Variants in MYO3B observed in about 807,000 individuals in gnomAD.
MYO3B encodes myosin-IIIb.
In MYO3B, 156 loss-of-function variants were observed where a neutral mutation model predicts 174.6. The ratio of observed to expected loss-of-function variants is 0.89; its 90% confidence interval spans 0.78 to 1.02. MYO3B has a LOEUF of 1.02. MYO3B is among the 50% of genes least tolerant of loss of function. The pLI, the probability that MYO3B is intolerant of heterozygous loss-of-function variation, is 0.00. For synonymous variants in MYO3B, 563 were observed against 569.1 expected (o/e 0.99, Z 0.15); for missense variants, 1,632 against 1,639.4 (o/e 1.00, Z 0.08).
chr2:170,449,777 C>CA (rs201702095), intron 23 of MYO3B, among the ~76,000 whole-genome samples: 7,027 of 131,454 alleles, frequency 0.053, 270 homozygotes, highest in East Asian at 0.23. Context: ...AACTCTGTCT[C>CA]AAAAAAAAAA....
intron 7 of MYO3B, among the ~76,000 whole-genome samples, chr2:170,325,170 A>G (rs771193053): frequency 1.3e-5 from 2 of 151,894 alleles, no homozygotes; most frequent in Non-Finnish European, 2.9e-5. Context: ...TTAGTATCTA[A>G]TCCGCTGTTA....
chr2:170,414,297 C>T (rs2094564619), intron 22 of MYO3B, among the ~76,000 whole-genome samples: 1 of 152,000 alleles, frequency 6.6e-6, no homozygotes, highest in Non-Finnish European at 1.5e-5. Flanking sequence ...AAGCAATTCT[C>T]CTGCCTCAGC....
chr2:170,499,770 G>A lies in MYO3B; in HGVS notation c.3251G>A (p.Arg1084Lys), dbSNP rs756328230. The change falls in exon 27 of 35, where the codon AGA becomes AAA. Residue 1084 changes from arginine (R) to lysine (K), a missense_variant. Coordinates refer to ENST00000408978, the MANE Select transcript of MYO3B (RefSeq NM_138995.5). ...WLGARRYKRV[R>K]EKREKGAIAI... ...GGAGCCAGGAGATACAAAAGGGTCAGAGAGAAGAGAGAGAAGGGAGCCATT... is the reference window on the plus strand; with the variant it reads ...GGAGCCAGGAGATACAAAAGGGTCAAAGAGAAGAGAGAGAAGGGAGCCATT... 6.2e-7 allele frequency: 1 copy of A among 1,613,614 alleles called. No homozygotes were observed. The highest frequency in any genetic ancestry group is 8.5e-7 in the Non-Finnish European group (1 of 1,179,656).
intron 7 of MYO3B, among the ~76,000 whole-genome samples, chr2:170,261,104 A>G (rs923254301): frequency 1.3e-5 from 2 of 151,996 alleles, no homozygotes; most frequent in Non-Finnish European, 2.9e-5. Context: ...GCTCACCGCA[A>G]ACTCCGCCTT....
intron 17 of MYO3B, among the ~76,000 whole-genome samples, chr2:170,400,646 ACC>A (rs10590784): frequency 0.24 from 31,586 of 133,878 alleles, 3,935 homozygotes; most frequent in East Asian, 0.34. Context: ...CTCATGATCC[ACC>A]CCCCCCCCCT....
chr2:170,329,609 G>T (rs2093897482), intron 7 of MYO3B, among the ~76,000 whole-genome samples: 1 of 150,488 alleles, frequency 6.6e-6, no homozygotes, highest in African/African-American at 2.5e-5. Context: ...GGCCAGGCTG[G>T]TCTCGAACTC....
At chr2:170,399,417 T>C (rs1470677497) in intron 16 of MYO3B, among the ~76,000 whole-genome samples, 1 of 150,042 alleles carries the variant, frequency 6.7e-6, no homozygotes, top group Non-Finnish European at 1.5e-5. Context: ...GAGGTTGCAG[T>C]GAGCCGAGAT....
Position 170,224,957 on chromosome 2 carries a change from C to T in MYO3B, c.603+7562C>T, listed in dbSNP as rs563730623. 6.6e-5 allele frequency among the ~76,000 whole-genome samples: 10 copies of T among 152,224 alleles called. No individual in the cohort carries two copies. The South Asian group carries it at 1.5e-3, about 22-fold the overall frequency. On this transcript the variant is annotated intron_variant, in intron 6 of 34. Coordinates refer to ENST00000408978, the MANE Select transcript of MYO3B (RefSeq NM_138995.5). ...ATTATGCCATTCCTAGTAAATGATACGATAATGCTATTTCCTTTGGCATTG... is the reference window on the plus strand; with the variant it reads ...ATTATGCCATTCCTAGTAAATGATATGATAATGCTATTTCCTTTGGCATTG...
chr2:170,251,045 G>A (rs2093247403), intron 7 of MYO3B, among the ~76,000 whole-genome samples: 3 of 151,940 alleles, frequency 2.0e-5, no homozygotes, highest in African/African-American at 7.3e-5. Flanking sequence ...TTTCACTTAG[G>A]GCCACGGGTA....
chr2:170,602,128 G>A, intron 32 of MYO3B: 1 of 1,223,680 alleles, frequency 8.2e-7, no homozygotes, highest in Non-Finnish European at 1.2e-6. Context: ...GTTGACTGAG[G>A]CATCTGGGTG....
At chr2:170,216,889 GAAA>G in intron 5 of MYO3B, among the ~76,000 whole-genome samples, 1 of 150,284 alleles carries the variant, frequency 6.7e-6, no homozygotes, top group East Asian at 2.0e-4. Context: ...GTCCATTAGG[GAAA>G]AAAAAAAATC....
At chr2:170,485,420 C>CAG (rs61185936) in intron 25 of MYO3B, among the ~76,000 whole-genome samples, 4,334 of 127,740 alleles carry the variant, frequency 0.034, 170 homozygotes, top group African/African-American at 0.087. Context: ...CACACACACA[C>CAG]AGAGAGAGAG....
intron 7 of MYO3B, among the ~76,000 whole-genome samples, chr2:170,329,835 GAC>G (rs1195200221): frequency 6.6e-6 from 1 of 152,140 alleles, no homozygotes; most frequent in Non-Finnish European, 1.5e-5. Flanking sequence ...GAGAGACACA[GAC>G]ACAGACACAC....
chr2:170,457,570 C>A (rs1683977931), intron 23 of MYO3B, among the ~76,000 whole-genome samples: 1 of 152,128 alleles, frequency 6.6e-6, no homozygotes, highest in South Asian at 2.1e-4. Flanking sequence ...TCATCAATAT[C>A]ACTGTCTTCT....
chr2:170,447,715 T>C (rs1429590038), intron 23 of MYO3B, among the ~76,000 whole-genome samples: 1 of 152,198 alleles, frequency 6.6e-6, no homozygotes, highest in African/African-American at 2.4e-5. Context: ...GAAAGAGTAA[T>C]TCACACAATG....
chr2:170,468,829 C>T (rs2105974767), intron 25 of MYO3B, among the ~76,000 whole-genome samples: 1 of 152,274 alleles, frequency 6.6e-6, no homozygotes, highest in South Asian at 2.1e-4. Context: ...CACATAACTG[C>T]ATGTATTGGG....
chr2:170,218,547 A>G (rs1414332477), intron 6 of MYO3B, among the ~76,000 whole-genome samples: 1 of 152,212 alleles, frequency 6.6e-6, no homozygotes, highest in East Asian at 1.9e-4. Context: ...TCAGGACACA[A>G]TAGTATGGGT....
intron 30 of MYO3B, among the ~76,000 whole-genome samples, chr2:170,542,120 C>T (rs1345261461): frequency 6.6e-6 from 1 of 152,114 alleles, no homozygotes; most frequent in Non-Finnish European, 1.5e-5. Context: ...ATGTGTGTCA[C>T]ATGTGTGCGT....
rs1688218203 is a variant in MYO3B at position 170,515,005 on chromosome 2, A to G, written c.3455A>G (p.Glu1152Gly). 1 of 1,614,034 alleles carries G rather than the reference A, an allele frequency of 6.2e-7. No homozygotes were observed. Among genetic ancestry groups the G allele is most frequent in the Non-Finnish European group, 8.5e-7 (1 of 1,179,936 alleles). ...RGSAEVQDCS[E>G]PGDHKVLRGS... The stretch of plus-strand genomic sequence containing the variant: ...AGTGCCGAGGTTCAAGACTGCAGCG[A>G]GCCTGGTGACCATAAAGGTAGAGTC... Residue 1152 changes from glutamate to glycine, a missense_variant, in exon 29 of 35, where the codon GAG becomes GGG. Glu to Gly is a moderately conservative substitution (Grantham distance 98, BLOSUM62 -2). Coordinates refer to ENST00000408978, the MANE Select transcript of MYO3B (RefSeq NM_138995.5).
Sources: gnomAD v4.1 joint callset for allele counts (sites outside exome capture counted in the v4.1 genomes callset) on GRCh38, gnomAD v4.1.1 for gene constraint, MANE v1.5 for transcripts, NCBI Gene and HGNC (gene_info 2026-07-23, HGNC 2026-07-21) for gene names.